The following TYW1 variants were observed in gnomAD, a reference collection of about 807,000 sequenced individuals.
The protein encoded by TYW1 is S-adenosyl-L-methionine-dependent tRNA 4-demethylwyosine synthase TYW1.
A neutral mutation model predicts 96.2 loss-of-function variants in TYW1; 46 were observed. The observed-to-expected ratio is 0.48, with a 90% CI of 0.38 to 0.61. TYW1 has a LOEUF of 0.61. Ranked by LOEUF, TYW1 falls within the 20% of genes least tolerant of loss-of-function variation. The pLI is 0.00. For synonymous variants in TYW1, 274 were observed against 323.0 expected, an observed-to-expected ratio of 0.85 and a Z score of 1.63; for missense variants, 684 against 909.6, an observed-to-expected ratio of 0.75 and a Z score of 3.19.
intron 7 of TYW1, among the ~76,000 whole-genome samples, chr7:67,034,468 C>G (rs1042961831): frequency 6.6e-6 from 1 of 152,056 alleles, no homozygotes; most frequent in Admixed American, 6.6e-5. Flanking sequence ...GTCCTCTGTT[C>G]CTGTTTTTCC....
In TYW1 at chr7:67,230,325, C is replaced by G. The variant is rs576927847; in HGVS notation, c.1978-7983C>G. Among the ~76,000 whole-genome samples, 30 of 140,624 alleles carry G rather than the reference C, an allele frequency of 2.1e-4. No homozygotes were observed. In the South Asian group the frequency reaches 6.9e-3, roughly 32 times the overall value. The allele number at this position is 140,624 out of a possible 152,430, so 92.3% of individuals were successfully genotyped here. ...CTGCCAGTCCTCTCCTTTCCTCTGC[C>G]CTACATTTTTTGGCTGAGGTTGTTG... On this transcript the variant is annotated intron_variant, in intron 15 of 15. Transcript: ENST00000359626.
intron 11 of TYW1, among the ~76,000 whole-genome samples, chr7:67,096,087 G>A (rs1004270500): frequency 1.5e-4 from 23 of 152,148 alleles, no homozygotes; most frequent in Admixed American, 2.6e-4. Flanking sequence ...AGAAAGTTAT[G>A]TTTCAAAGAT....
At chr7:67,081,369 T>G (rs4096549) in intron 10 of TYW1, among the ~76,000 whole-genome samples, 21 of 151,810 alleles carry the variant, frequency 1.4e-4, no homozygotes, top group African/African-American at 3.6e-4. Context: ...TTTAGAATTC[T>G]CTTTGTCATT....
chr7:67,018,908 A>C (rs1794119530), intron 6 of TYW1, among the ~76,000 whole-genome samples: 2 of 149,336 alleles, frequency 1.3e-5, no homozygotes, highest in Admixed American at 1.4e-4. Context: ...GTGATCTGAG[A>C]TCATGCGACT....
chr7:67,093,971 T>C (rs1205059127), intron 11 of TYW1, among the ~76,000 whole-genome samples: 1 of 152,228 alleles, frequency 6.6e-6, no homozygotes, highest in Non-Finnish European at 1.5e-5. Flanking sequence ...ACATTGTACC[T>C]GATAGGTAAT....
intron 13 of TYW1, among the ~76,000 whole-genome samples, chr7:67,175,534 A>C (rs147702738): frequency 3.5e-3 from 540 of 152,344 alleles, no homozygotes; most frequent in Non-Finnish European, 6.1e-3. Context: ...ACTCATAAGC[A>C]TAGAAGCAAA....
chr7:67,034,968 A>G (rs1204289216), intron 7 of TYW1, among the ~76,000 whole-genome samples: 1 of 152,140 alleles, frequency 6.6e-6, no homozygotes, highest in Non-Finnish European at 1.5e-5. Flanking sequence ...TCTACATCTG[A>G]GATGTTATCA....
intron 10 of TYW1, among the ~76,000 whole-genome samples, chr7:67,075,202 A>G (rs1796163997): frequency 6.6e-6 from 1 of 152,188 alleles, no homozygotes; most frequent in Admixed American, 6.5e-5. Context: ...ATTTTTATGT[A>G]TGTATAGATA....
At chr7:67,006,662 T>A (rs1303509964) in intron 3 of TYW1, among the ~76,000 whole-genome samples, 1 of 151,842 alleles carries the variant, frequency 6.6e-6, no homozygotes, top group Non-Finnish European at 1.5e-5. Context: ...CTGGTCTCGA[T>A]CTCCTGACCT....
In TYW1 at chr7:67,090,016, G is replaced by A. The variant is rs71222221; in HGVS notation, c.1384+6477G>A. ...CACCGTCTTTGTCAGGAACGTCCTC[G>A]GTACTAAAGCTGCAAAGATGAAAAA... On this transcript the variant is annotated intron_variant, in intron 11 of 15. Coordinates refer to ENST00000359626, the MANE Select transcript of TYW1 (RefSeq NM_018264.4). Among the ~76,000 whole-genome samples, 339 of 152,082 alleles carry A rather than the reference G, an allele frequency of 2.2e-3. 8 individuals carry two copies. In the East Asian group the frequency reaches 0.058, roughly 26 times the overall value.
intron 6 of TYW1, among the ~76,000 whole-genome samples, chr7:67,022,373 A>G (rs1794307462): frequency 2.0e-5 from 3 of 152,228 alleles, no homozygotes; most frequent in Non-Finnish European, 4.4e-5. Flanking sequence ...GGTGTTTTAC[A>G]GTAAAAGTTT....
chr7:67,175,505 T>C (rs1443188314), intron 13 of TYW1, among the ~76,000 whole-genome samples: 1 of 152,142 alleles, frequency 6.6e-6, no homozygotes, highest in Admixed American at 6.5e-5. Context: ...CTAAGAAGAA[T>C]AAGACAAAAG....
chr7:67,008,184 T>C (rs532460645), intron 3 of TYW1, among the ~76,000 whole-genome samples: 1 of 152,164 alleles, frequency 6.6e-6, no homozygotes, highest in East Asian at 1.9e-4. Flanking sequence ...GGGCCAGCTA[T>C]GGAGGGGTGG....
intron 14 of TYW1, among the ~76,000 whole-genome samples, chr7:67,186,865 A>G (rs1165359606): frequency 6.6e-6 from 1 of 152,060 alleles, no homozygotes; most frequent in Non-Finnish European, 1.5e-5. Context: ...TGCATTCAAC[A>G]ATATTTGTGA....
chr7:67,167,198 G>C (rs993442153), intron 13 of TYW1, among the ~76,000 whole-genome samples: 2 of 152,022 alleles, frequency 1.3e-5, no homozygotes, highest in Admixed American at 1.3e-4. Context: ...GGCCGGGCGC[G>C]GCGGCTCACG....
chr7:67,037,232 G>T (rs1485322067), intron 7 of TYW1, among the ~76,000 whole-genome samples: 1 of 152,112 alleles, frequency 6.6e-6, no homozygotes, highest in Non-Finnish European at 1.5e-5. Context: ...TCCTAGCCGG[G>T]CGCAGTGGCT....
At position 67,025,407 on chromosome 7, in the gene TYW1, G is replaced by C. The variant is rs561294135; in HGVS notation, c.984+385G>C. 7.0e-4 allele frequency among the ~76,000 whole-genome samples: 107 copies of C among 151,962 alleles called. 1 individual carries two copies. The highest frequency in any genetic ancestry group is 1.3e-3 in the Non-Finnish European group (86 of 67,968). On this transcript the variant is annotated intron_variant, in intron 7 of 15. Coordinates refer to ENST00000359626, the MANE Select transcript of TYW1 (RefSeq NM_018264.4). ...CAAAATAAATCTCATAATGTTTTAA[G>C]AAAGCTTACAAATTTGTGTTGGGCC...
At chr7:67,165,456 G>T (rs1274272970) in intron 13 of TYW1, among the ~76,000 whole-genome samples, 1 of 151,030 alleles carries the variant, frequency 6.6e-6, no homozygotes, top group South Asian at 2.1e-4. Flanking sequence ...AGAGGGGAGA[G>T]AATAATATAA....
intron 13 of TYW1, among the ~76,000 whole-genome samples, chr7:67,136,705 A>G (rs944226532): frequency 2.0e-5 from 3 of 151,646 alleles, no homozygotes; most frequent in Non-Finnish European, 4.4e-5. Flanking sequence ...ATATGCTGAC[A>G]TCACTATATT....
Sources: allele counts gnomAD v4.1 joint callset (sites outside exome capture counted in the v4.1 genomes callset), GRCh38; gene constraint gnomAD v4.1.1; transcripts MANE v1.5; gene names NCBI Gene and HGNC (gene_info 2026-07-23, HGNC 2026-07-21).